NUP214: variants seen among roughly 807,000 people sequenced by gnomAD.
The protein encoded by NUP214 is nuclear pore complex protein Nup214.
NUP214 carries 79 observed loss-of-function variants against 196.2 expected under a neutral mutation model. That is an observed-to-expected ratio of 0.40 (90% CI 0.34 to 0.49). NUP214 has a LOEUF of 0.49. NUP214 is among the 20% of genes least tolerant of loss of function. The probability of loss-of-function intolerance (pLI) is 0.58; values close to 1 mark genes in which losing one functional copy is unlikely to be tolerated. For missense variants in NUP214, 2,468 were observed against 2,539.0 expected, an observed-to-expected ratio of 0.97 and a Z score of 0.60; for synonymous variants, 1,020 against 990.5, an observed-to-expected ratio of 1.03 and a Z score of -0.56.
chr9:131,163,243 G>T, intron 19 of NUP214, 70 bp downstream of exon 19: 1 of 1,476,146 alleles, frequency 6.8e-7, no homozygotes, highest in Non-Finnish European at 9.1e-7. Flanking sequence ...GTCTTAGAGT[G>T]GTTCAGATAT....
chr9:131,211,536 C>G (rs1397951819), intron 30 of NUP214, among the ~76,000 whole-genome samples: 1 of 152,104 alleles, frequency 6.6e-6, no homozygotes, highest in African/African-American at 2.4e-5. Flanking sequence ...CCATCTGTTG[C>G]GGGAAGTCAG....
Position 131,144,559 on chromosome 9 carries a change from C to A in NUP214, c.1574C>A (p.Pro525His). 3.7e-6 allele frequency: 6 copies of A among 1,614,118 alleles called. No homozygotes were observed. The highest frequency in any genetic ancestry group is 5.1e-6 in the Non-Finnish European group (6 of 1,179,984). The change falls in exon 12 of 36, where the codon CCT becomes CAT. Residue 525 changes from proline (P) to histidine (H), a missense_variant. Coordinates refer to ENST00000359428, the MANE Select transcript of NUP214 (RefSeq NM_005085.4). Reference protein sequence around the residue: ...PGPSTFSFVPPSKASLAPTPA... With the variant: ...PGPSTFSFVPHSKASLAPTPA... ...CCATCAACCTTCTCTTTTGTTCCCC[C>A]TTCTAAAGCCTCCCTAGCCCCCACC...
intron 21 of NUP214, among the ~76,000 whole-genome samples, chr9:131,173,152 G>A (rs1178559555): frequency 6.6e-6 from 1 of 152,260 alleles, no homozygotes; most frequent in East Asian, 1.9e-4. Context: ...CACCTGCCGG[G>A]TTCAAGCGAT....
intron 11 of NUP214, among the ~76,000 whole-genome samples, chr9:131,143,579 C>T (rs1449428057): frequency 6.6e-6 from 1 of 151,750 alleles, no homozygotes; most frequent in East Asian, 1.9e-4. Flanking sequence ...AAAAATGTAC[C>T]TTGTTTATAT....
At position 131,233,822 on chromosome 9, in the gene NUP214, A is replaced by G. The variant is rs1296927572; in HGVS notation, c.*335A>G. The G allele has an allele frequency of 2.4e-6, 1 of 421,246 alleles. No homozygotes were observed. The highest frequency in any genetic ancestry group is 4.2e-5 in the East Asian group (1 of 23,572). 26.1% of individuals were successfully genotyped at this position (421,246 alleles called of 1,614,324 possible). A position where few individuals can be genotyped will look rare whatever the true frequency, so the allele number is the denominator to read the frequency against. ...CTGTGTCTTCAAGGATGGCATCAGA[A>G]GTCACCAGCGTCGGGTGTTGATAAA... On this transcript the variant is annotated 3_prime_UTR_variant, in exon 36 of 36. Coordinates refer to ENST00000359428, the MANE Select transcript of NUP214 (RefSeq NM_005085.4).
chr9:131,202,623 C>T (rs754636706), intron 30 of NUP214, among the ~76,000 whole-genome samples: 5 of 151,480 alleles, frequency 3.3e-5, no homozygotes, highest in Non-Finnish European at 5.9e-5. Context: ...TTGGTTGAGA[C>T]GGGGTTTTGC....
rs1329995871 is a variant in NUP214 at position 131,182,845 on chromosome 9, C to CT, written c.3420-4438dup. On this transcript the variant is annotated intron_variant, in intron 24 of 35. Transcript: ENST00000359428. ...AAATGTCTCTATGACTCTATTTTAA[C>CT]TTTTTTGTTGACTTATTGGCTATAA... 2.0e-5 allele frequency among the ~76,000 whole-genome samples: 3 copies of CT among 152,032 alleles called. No individual in the cohort carries two copies. The South Asian group carries it at 6.2e-4, about 31-fold the overall frequency.
chr9:131,223,727 A>ATTTATTTTT lies in NUP214; in HGVS notation c.5902+800_5902+801insATTTTTTTT. Among the ~76,000 whole-genome samples the ATTTATTTTT allele has an allele frequency of 5.7e-4, 9 of 15,660 alleles. 1 individual carries two copies. The highest frequency in any genetic ancestry group is 8.6e-4 in the Non-Finnish European group (6 of 6,968). 10.3% of individuals were successfully genotyped at this position (15,660 alleles called of 152,430 possible). Reference sequence around the variant, plus strand: ...TTTTTTTATTTTTATTTATTTATTTATTTTTTTTTTTTTTTTTTTTTTTTT... The same window carrying ATTTATTTTT: ...TTTTTTTATTTTTATTTATTTATTTATTTATTTTTTTTTTTTTTTTTTTTTTTTTTTTTT... On this transcript the variant is annotated intron_variant, in intron 32 of 35. Transcript: ENST00000359428.
chr9:131,125,611 T>C lies in NUP214; in HGVS notation c.-94T>C. 1 of 1,535,496 alleles carries C rather than the reference T, an allele frequency of 6.5e-7. No individual in the cohort carries two copies. Among genetic ancestry groups the C allele is most frequent in the Non-Finnish European group, 8.8e-7 (1 of 1,139,504 alleles). On this transcript the variant is annotated 5_prime_UTR_variant, in exon 1 of 36. Coordinates refer to ENST00000359428, the MANE Select transcript of NUP214 (RefSeq NM_005085.4). The surrounding 1 kb of genome is among the most constrained non-coding windows in gnomAD (Gnocchi z 4.1). ...GAGGTCAACTGCGCGCCGCTGGCGC[T>C]GAGGGGAGGAAGTTTGCTGTCGAGC... is the stretch of plus-strand genomic sequence containing the variant.
intron 24 of NUP214, among the ~76,000 whole-genome samples, chr9:131,184,622 C>A (rs1218494778): frequency 6.6e-6 from 1 of 152,154 alleles, no homozygotes; most frequent in East Asian, 1.9e-4. Context: ...AGGCGTGAGA[C>A]ACCGTGCCTG....
At chr9:131,149,159 A>T (rs1832177808) in intron 14 of NUP214, among the ~76,000 whole-genome samples, 1 of 147,548 alleles carries the variant, frequency 6.8e-6, no homozygotes, top group Non-Finnish European at 1.5e-5. Flanking sequence ...TTGTACCCTA[A>T]CACACACCTG....
intron 21 of NUP214, among the ~76,000 whole-genome samples, chr9:131,173,111 C>A (rs903620788): frequency 9.2e-5 from 14 of 152,148 alleles, no homozygotes; most frequent in African/African-American, 2.9e-4. Flanking sequence ...GGCTGCAGTG[C>A]AATGGTGCAA....
chr9:131,144,350 T>G lies in NUP214; in HGVS notation c.1365T>G (p.Pro455=), dbSNP rs1312511797. The change falls in exon 12 of 36, where the codon CCT becomes CCG. Residue 455 remains proline, a synonymous_variant. Coordinates refer to ENST00000359428, the MANE Select transcript of NUP214 (RefSeq NM_005085.4). ...QKLDASAAAA[P]ASLPPSSPAA... ...TGGATGCTTCTGCAGCTGCAGCCCC[T>G]GCCTCTCTGCCACCTTCATCACCTG... 6.2e-7 allele frequency: 1 copy of G among 1,614,174 alleles called. No homozygotes were observed. Among genetic ancestry groups the G allele is most frequent in the Non-Finnish European group, 8.5e-7 (1 of 1,180,032 alleles).
intron 9 of NUP214, among the ~76,000 whole-genome samples, chr9:131,138,029 T>C (rs1016872021): frequency 1.3e-5 from 2 of 152,192 alleles, no homozygotes; most frequent in Admixed American, 6.5e-5. Context: ...GAGATTGTTT[T>C]TGTTTAATAT....
intron 9 of NUP214, among the ~76,000 whole-genome samples, chr9:131,137,262 A>G (rs1395988702): frequency 6.6e-6 from 1 of 152,218 alleles, no homozygotes; most frequent in Non-Finnish European, 1.5e-5. Flanking sequence ...CTTATAAGTG[A>G]AAAGAATCAC....
chr9:131,140,506 T>C (rs773306943), intron 10 of NUP214, 43 bp from the exon 11 acceptor site: 1 of 1,569,956 alleles, frequency 6.4e-7, no homozygotes, highest in African/African-American at 1.4e-5. Context: ...CTCAGGCCCT[T>C]AAATTCACTT....
At chr9:131,196,191 T>C (rs1833785132) in intron 28 of NUP214, among the ~76,000 whole-genome samples, 1 of 151,350 alleles carries the variant, frequency 6.6e-6, no homozygotes, top group Admixed American at 6.6e-5. Flanking sequence ...GGAGTCTCAC[T>C]GTTGTCATCC....
At position 131,175,712 on chromosome 9, in the gene NUP214, G is replaced by A. The variant is rs538648540; in HGVS notation, c.3319+91G>A. The A allele has an allele frequency of 1.2e-5, 17 of 1,462,772 alleles. No homozygotes were observed. The Middle Eastern group carries it at 6.4e-4, about 55-fold the overall frequency. The allele number at this position is 1,462,772 out of a possible 1,614,324, so 90.6% of individuals were successfully genotyped here. On this transcript the variant is annotated intron_variant, in intron 23 of 35. Transcript: ENST00000359428. ...CAGCAGGTGGCAAGAAACAGTGGGC[G>A]CTCTTTGGTGCCCTTCAGAAGAGAA...
chr9:131,222,509 G>C (rs1264408229), intron 31 of NUP214: 2 of 306,666 alleles, frequency 6.5e-6, no homozygotes, highest in African/African-American at 4.3e-5. Context: ...TTTTCAGTGG[G>C]ACCTCTCACT....
Sources: gnomAD v4.1 joint callset for allele counts (sites outside exome capture counted in the v4.1 genomes callset) on GRCh38, gnomAD v4.1.1 for gene constraint, Gnocchi (gnomAD v3.1) non-coding constraint, MANE v1.5 for transcripts, NCBI Gene and HGNC (gene_info 2026-07-23, HGNC 2026-07-21) for gene names.